TBC1D3G: variants seen among roughly 807,000 people sequenced by gnomAD.
TBC1D3G encodes TBC1 domain family member-like.
At chr17:36,321,861 AT>A (rs1250358389), upstream of TBC1D3G, among the ~76,000 whole-genome samples, 2 of 97,008 alleles carry the variant, frequency 2.1e-5, no homozygotes, top group African/African-American at 2.9e-5. Flanking sequence ...AAAATATGAT[AT>A]TAAAGATGCT....
At chr17:36,327,707 G>GAT in intron 5 of TBC1D3G, 90 bp downstream of exon 5, 1 of 724,760 alleles carries the variant, frequency 1.4e-6, no homozygotes, top group South Asian at 2.2e-5. Context: ...CTCAGAGGGT[G>GAT]GGCGGCACAC....
chr17:36,318,413 G>T, the TBC1D3G span, among the ~76,000 whole-genome samples: 1 of 51,870 alleles, frequency 1.9e-5, no homozygotes, highest in African/African-American at 6.5e-5. Flanking sequence ...CTCCAGCCTG[G>T]TGACAAAACA....
chr17:36,318,287 G>C, the TBC1D3G span, among the ~76,000 whole-genome samples: 1 of 55,736 alleles, frequency 1.8e-5, no homozygotes, highest in Non-Finnish European at 3.5e-5. Flanking sequence ...TGGATCACTT[G>C]AGGTCAGAAG....
the TBC1D3G span, among the ~76,000 whole-genome samples, chr17:36,317,321 C>T: frequency 3.0e-5 from 1 of 33,054 alleles, no homozygotes; most frequent in Non-Finnish European, 6.4e-5. Context: ...CTTCATCTTC[C>T]TGGGCTTATG....
the TBC1D3G span, among the ~76,000 whole-genome samples, chr17:36,317,971 AT>A: frequency 1.4e-3 from 122 of 86,418 alleles, 1 homozygote; most frequent in African/African-American, 5.7e-3. Context: ...ATATGGGCTT[AT>A]TTTTTTTTTT....
intron 3 of TBC1D3G, among the ~76,000 whole-genome samples, chr17:36,326,346 G>C: frequency 7.7e-6 from 1 of 130,578 alleles, no homozygotes; most frequent in East Asian, 2.8e-4. Context: ...AAGGGATCTG[G>C]GGCCAGGTAA....
chr17:36,317,583 GATTAAGATCTTTAAAATT>G, the TBC1D3G span, among the ~76,000 whole-genome samples: 1 of 21,188 alleles, frequency 4.7e-5, no homozygotes, highest in South Asian at 8.1e-3. Flanking sequence ...ATAAAATTTA[GATTAAGATCTTTAAAATT>G]TTTTAAAAAC....
chr17:36,317,962 T>C, the TBC1D3G span, among the ~76,000 whole-genome samples: 1 of 102,176 alleles, frequency 9.8e-6, no homozygotes, highest in Non-Finnish European at 1.7e-5. Flanking sequence ...CTTTTCCATA[T>C]ATGGGCTTAT....
the TBC1D3G span, among the ~76,000 whole-genome samples, chr17:36,316,524 TC>T: frequency 6.9e-5 from 1 of 14,420 alleles, no homozygotes; most frequent in African/African-American, 1.5e-4. Context: ...AGAGCGAAAC[TC>T]CATCTCAAAA....
rs1354992665 is a variant in TBC1D3G, at chr17:36,326,444, C to T, written c.159-571C>T. On this transcript the variant is annotated intron_variant, in intron 3 of 13. Transcript: ENST00000569055. ...GGGAGGTAGGGCGGGAGGGAGCTGACGAGCGGTGCCACTTCTGAAACGCAG... is the reference window on the plus strand; with the variant it reads ...GGGAGGTAGGGCGGGAGGGAGCTGATGAGCGGTGCCACTTCTGAAACGCAG... 9.9e-5 allele frequency among the ~76,000 whole-genome samples: 10 copies of T among 101,130 alleles called. 1 individual carries two copies. Among genetic ancestry groups the T allele is most frequent in the African/African-American group, 2.0e-4 (6 of 29,946 alleles). The allele number at this position is 101,130 out of a possible 152,430, so 66.3% of individuals were successfully genotyped here. A position where few individuals can be genotyped will look rare whatever the true frequency, so the allele number is the denominator to read the frequency against.
At chr17:36,326,471 G>A (rs1486477106) in intron 3 of TBC1D3G, among the ~76,000 whole-genome samples, 2 of 82,630 alleles carry the variant, frequency 2.4e-5, no homozygotes, top group Admixed American at 1.1e-4. Context: ...GAAACGCAGG[G>A]TGTGTGGCTC....
the TBC1D3G span, among the ~76,000 whole-genome samples, chr17:36,317,611 C>T: frequency 6.7e-6 from 1 of 148,256 alleles, no homozygotes; most frequent in Non-Finnish European, 1.5e-5. Context: ...TTTTTAAAAA[C>T]TGATTTTATC....
At chr17:36,318,129 G>A in the TBC1D3G span, among the ~76,000 whole-genome samples, 5 of 69,742 alleles carry the variant, frequency 7.2e-5, no homozygotes, top group African/African-American at 2.9e-4. Flanking sequence ...GAGCTACGAT[G>A]GTGCCCCTGC....
chr17:36,318,048 G>A, the TBC1D3G span, among the ~76,000 whole-genome samples: 1 of 80,406 alleles, frequency 1.2e-5, no homozygotes, highest in Non-Finnish European at 2.1e-5. Context: ...ACTGGCTTAC[G>A]TGTGTAATCC....
At chr17:36,323,739 C>T (rs2142328096), upstream of TBC1D3G, 1 of 129,652 alleles carries the variant, frequency 7.7e-6, no homozygotes, top group African/African-American at 2.8e-5. Flanking sequence ...TGCAGGCAGG[C>T]ATGTTGACGC....
At chr17:36,317,902 G>A in the TBC1D3G span, among the ~76,000 whole-genome samples, 2 of 120,402 alleles carry the variant, frequency 1.7e-5, no homozygotes, top group African/African-American at 3.4e-5. Context: ...TAAATTCTAC[G>A]TGATTATATT....
At chr17:36,321,947 G>GTT (rs2069366741), upstream of TBC1D3G, among the ~76,000 whole-genome samples, 1 of 115,664 alleles carries the variant, frequency 8.6e-6, no homozygotes, top group African/African-American at 2.7e-5. Flanking sequence ...GAGTCCAGGA[G>GTT]TTTGATACCA....
chr17:36,332,599 C>A (rs1444097068), intron 12 of TBC1D3G, among the ~76,000 whole-genome samples, 161 bp from the exon 13 acceptor site: 3 of 121,928 alleles, frequency 2.5e-5, no homozygotes, highest in Non-Finnish European at 5.1e-5. Flanking sequence ...ACTTCCCTGT[C>A]CGGATCGCCC....
At chr17:36,317,396 AT>A in the TBC1D3G span, among the ~76,000 whole-genome samples, 6 of 81,540 alleles carry the variant, frequency 7.4e-5, no homozygotes, top group East Asian at 3.5e-4. Flanking sequence ...TGACCAGCTA[AT>A]TTTTTTTTAC....
Sources: allele counts gnomAD v4.1 joint callset (sites outside exome capture counted in the v4.1 genomes callset), GRCh38; gene constraint gnomAD v4.1.1; transcripts MANE v1.5; gene names NCBI Gene and HGNC (gene_info 2026-07-23, HGNC 2026-07-21).